FAM20C: variants seen among roughly 807,000 people sequenced by gnomAD.
FAM20C encodes the protein FAM20C golgi associated secretory pathway kinase.
In FAM20C, 40 loss-of-function variants were observed where a neutral mutation model predicts 51.5. The observed-to-expected ratio is 0.78, with a 90% CI of 0.60 to 1.01. The LOEUF is 1.01. Among genes scored for constraint, FAM20C ranks in the 50% least tolerant of loss-of-function variants. The pLI, the probability that FAM20C is intolerant of heterozygous loss-of-function variation, is 0.00. For synonymous variants in FAM20C, 406 were observed against 380.6 expected (o/e 1.07, Z -0.78); for missense variants, 861 against 844.7 (o/e 1.02, Z -0.24).
chr7:257,064 A>T lies in FAM20C; in HGVS notation c.1423A>T (p.Ile475Phe), dbSNP rs1390471078. The T allele has an allele frequency of 6.5e-7, 1 of 1,537,070 alleles. No homozygotes were observed. Among genetic ancestry groups the T allele is most frequent in the South Asian group, 1.2e-5 (1 of 84,060 alleles). ...GAAGTTTGGGAATGAAACGTTCATC[A>T]TCCACTTAGACAATGGAAGAGGGTG... ...FEKFGNETFI[I>F]HLDNGRGFGK... Residue 475 changes from isoleucine (I) to phenylalanine (F), a missense_variant, in exon 8 of 10, where the codon ATC becomes TTC. By Grantham distance (21) the Ile-to-Phe change is conservative. Coordinates refer to ENST00000313766, the MANE Select transcript of FAM20C (RefSeq NM_020223.4).
chr7:254,707 T>A (rs149460409), intron 5 of FAM20C, among the ~76,000 whole-genome samples: 2 of 152,332 alleles, frequency 1.3e-5, no homozygotes, highest in South Asian at 2.1e-4. Flanking sequence ...AAATCCAGAA[T>A]GTCCTGCTGA....
intron 3 of FAM20C, among the ~76,000 whole-genome samples, chr7:218,047 G>A (rs1316256343): frequency 6.6e-6 from 1 of 152,160 alleles, no homozygotes. Context: ...GCCAGGAGTG[G>A]TGGGGTAGGG....
chr7:192,670 C>T lies in FAM20C; in HGVS notation c.-530C>T, dbSNP rs1256522897. Among the ~76,000 whole-genome samples, 4 of 149,654 alleles carry T rather than the reference C, an allele frequency of 2.7e-5. No individual in the cohort carries two copies. Among genetic ancestry groups the T allele is most frequent in the Non-Finnish European group, 6.0e-5 (4 of 66,960 alleles). ...GCGCCCACCCCTTCCGCCCTTCGCC[C>T]CCCCCTTCCCCCCAGCCCCGGTCTC... On this transcript the variant is annotated 5_prime_UTR_variant, in exon 1 of 10. Transcript: ENST00000313766.
At chr7:258,251 T>G (rs879206563) in intron 8 of FAM20C, among the ~76,000 whole-genome samples, 1 of 65,914 alleles carries the variant, frequency 1.5e-5, no homozygotes, top group Non-Finnish European at 3.4e-5. Context: ...ACCCACTGCC[T>G]GAGGTGCTGG....
intron 3 of FAM20C, among the ~76,000 whole-genome samples, chr7:242,262 G>T (rs1327191020): frequency 6.6e-6 from 1 of 152,244 alleles, no homozygotes; most frequent in African/African-American, 2.4e-5. Context: ...GCTGGCGAGG[G>T]TCAGTGGCAG....
In FAM20C at chr7:258,945, T is replaced by C. The variant is rs36150502; in HGVS notation, c.1505+240T>C. 0.4 allele frequency among the ~76,000 whole-genome samples: 60,349 copies of C among 152,048 alleles called. 12,006 individuals carry two copies. Among genetic ancestry groups the C allele is most frequent in the African/African-American group, 0.41 (17,175 of 41,486 alleles). On this transcript the variant is annotated intron_variant, in intron 9 of 9. Transcript: ENST00000313766. ...AGCCCCCTCGGGCCTCCACTCTGTG[T>C]CCGTCCTGCCACCCCAGTTACAGAG...
At chr7:230,372 T>TCGGGG (rs770436412) in intron 3 of FAM20C, among the ~76,000 whole-genome samples, 1 of 7,466 alleles carries the variant, frequency 1.3e-4, no homozygotes, top group African/African-American at 4.9e-4. Context: ...CAGGACGGGG[T>TCGGGG]GGGGGGGGGG....
chr7:201,173 G>A (rs1354525868), intron 2 of FAM20C, among the ~76,000 whole-genome samples: 1 of 152,208 alleles, frequency 6.6e-6, no homozygotes, highest in East Asian at 1.9e-4. Flanking sequence ...TTCGTCTTCA[G>A]GAATAACTGA....
chr7:216,768 C>T (rs1214804822), intron 3 of FAM20C, among the ~76,000 whole-genome samples: 1 of 151,604 alleles, frequency 6.6e-6, no homozygotes, highest in East Asian at 1.9e-4. Flanking sequence ...AACAGCTGTC[C>T]CAAGGCCCAG....
chr7:236,200 C>T lies in FAM20C; in HGVS notation c.864-10215C>T, dbSNP rs1179128169. Among the ~76,000 whole-genome samples, 6 of 98,260 alleles carry T rather than the reference C, an allele frequency of 6.1e-5. No homozygotes were observed. The South Asian group carries it at 1.1e-3, about 18-fold the overall frequency. 64.5% of individuals were successfully genotyped at this position (98,260 alleles called of 152,430 possible). On this transcript the variant is annotated intron_variant, in intron 3 of 9. Coordinates refer to ENST00000313766, the MANE Select transcript of FAM20C (RefSeq NM_020223.4). ...ATCCCTGTGCAGAAGGGAGGCTGAG[C>T]GGCTCCTGGCCGAGGTGAGAGGCCG...
chr7:226,268 C>G (rs768542611), intron 3 of FAM20C, among the ~76,000 whole-genome samples: 1 of 152,142 alleles, frequency 6.6e-6, no homozygotes, highest in Non-Finnish European at 1.5e-5. Context: ...TCCTCTGCCT[C>G]GTGACCGGCT....
At chr7:258,265 TA>T (rs1788710967) in intron 8 of FAM20C, among the ~76,000 whole-genome samples, 2 of 124,944 alleles carry the variant, frequency 1.6e-5, no homozygotes, top group African/African-American at 7.3e-5. Context: ...GTGCTGGAGA[TA>T]GGCAGGGTGG....
intron 3 of FAM20C, among the ~76,000 whole-genome samples, chr7:226,486 G>C (rs28733406): frequency 0.18 from 27,104 of 152,094 alleles, 2,659 homozygotes; most frequent in African/African-American, 0.26. Flanking sequence ...CAGGGAGGAG[G>C]GAGTCGCTGT....
At chr7:219,948 A>G (rs906075481) in intron 3 of FAM20C, among the ~76,000 whole-genome samples, 2 of 152,212 alleles carry the variant, frequency 1.3e-5, no homozygotes, top group African/African-American at 4.8e-5. Context: ...GACCCAGCAG[A>G]GGCCTGGGCC....
At chr7:226,411 C>T (rs1787447236) in intron 3 of FAM20C, among the ~76,000 whole-genome samples, 1 of 152,160 alleles carries the variant, frequency 6.6e-6, no homozygotes, top group African/African-American at 2.4e-5. Context: ...AGGGGCGTGC[C>T]ACAAGGCCTA....
At chr7:257,290 C>G in intron 8 of FAM20C, 1 of 590,582 alleles carries the variant, frequency 1.7e-6, no homozygotes, top group Non-Finnish European at 3.0e-6. Context: ...AGTGGGACCT[C>G]CGAGGCACAG....
intron 3 of FAM20C, among the ~76,000 whole-genome samples, chr7:234,622 G>T (rs2094277596): frequency 6.6e-6 from 1 of 152,192 alleles, no homozygotes; most frequent in Admixed American, 6.5e-5. Flanking sequence ...GGCACCATCG[G>T]GGCATCCCCG....
intron 1 of FAM20C, 181 bp downstream of exon 1, chr7:193,985 C>T: frequency 1.0e-6 from 1 of 991,596 alleles, no homozygotes; most frequent in South Asian, 2.4e-5. Flanking sequence ...TAACCTCCTC[C>T]TTGGGAGGGG....
intron 5 of FAM20C, among the ~76,000 whole-genome samples, chr7:252,717 G>T (rs925215156): frequency 6.6e-6 from 1 of 152,232 alleles, no homozygotes; most frequent in African/African-American, 2.4e-5. Context: ...AGGAGGCTGA[G>T]CCCCAGGCAG....
Sources: gnomAD v4.1 joint callset for allele counts (sites outside exome capture counted in the v4.1 genomes callset) on GRCh38, gnomAD v4.1.1 for gene constraint, MANE v1.5 for transcripts, NCBI Gene and HGNC (gene_info 2026-07-23, HGNC 2026-07-21) for gene names.